Variants in IL4R observed in about 807,000 individuals in gnomAD.
IL4R encodes the protein interleukin 4 receptor.
IL4R carries 17 observed loss-of-function variants against 41.5 expected under a neutral mutation model. The ratio of observed to expected loss-of-function variants is 0.41; its 90% CI spans 0.28 to 0.61. IL4R has a LOEUF of 0.61. Among genes scored for constraint, IL4R ranks in the 20% least tolerant of loss-of-function variants. IL4R has a pLI of 0.31. For synonymous variants in IL4R, 402 were observed against 422.9 expected (o/e 0.95, Z 0.61); for missense variants, 974 against 1,043.1 (o/e 0.93, Z 0.91).
chr16:27,360,824 C>T lies in IL4R; in HGVS notation c.899+9C>T. The T allele has an allele frequency of 6.2e-7, 1 of 1,614,162 alleles. No homozygotes were observed. Among genetic ancestry groups the T allele is most frequent in the South Asian group, 1.1e-5 (1 of 91,076 alleles). ...GAACCAGCCAAGTGCCCGTATGTAT[C>T]TGAACTTAGGTCACAGCCTGCATGC... On this transcript the variant is annotated intron_variant, in intron 10 of 10. Transcript: ENST00000395762.
At position 27,362,785 on chromosome 16, in the gene IL4R, G is replaced by A. The variant is rs1411182019; in HGVS notation, c.1433G>A (p.Ser478Asn). The change falls in exon 11 of 11, where the codon AGT (serine) becomes AAT (asparagine). Residue 478 changes from serine (S) to asparagine (N), a missense_variant. Ser to Asn is a conservative substitution (Grantham distance 46). Around this residue, in one of 3 missense-constraint regions of IL4R, gnomAD observed 682 missense variants for 704.3 expected, o/e 0.97. Transcript: ENST00000395762. ...EPSPPASPTQ[S>N]PDNLTCTETP... ...AGTCCTCCTGCCAGCCCGACCCAGA[G>A]TCCAGACAACCTGACTTGCACAGAG... The A allele has an allele frequency of 1.2e-6, 2 of 1,614,172 alleles. No homozygotes were observed. Among genetic ancestry groups the A allele is most frequent in the African/African-American group, 1.3e-5 (1 of 75,064 alleles).
intron 10 of IL4R, among the ~76,000 whole-genome samples, chr16:27,361,367 A>C (rs2086277888): frequency 6.6e-6 from 1 of 151,998 alleles, no homozygotes; most frequent in Admixed American, 6.6e-5. Flanking sequence ...GAATCACTTG[A>C]ACCCGGGAGG....
At chr16:27,326,865 G>A (rs1290599104) in intron 1 of IL4R, among the ~76,000 whole-genome samples, 1 of 152,098 alleles carries the variant, frequency 6.6e-6, no homozygotes, top group Non-Finnish European at 1.5e-5. Flanking sequence ...CAGATCCCGG[G>A]CCATTCTGGG....
intron 2 of IL4R, among the ~76,000 whole-genome samples, chr16:27,338,350 T>C (rs536316858): frequency 2.6e-5 from 4 of 151,874 alleles, no homozygotes; most frequent in African/African-American, 7.2e-5. Context: ...CCCAAGTAGC[T>C]AGGATTACAG....
In IL4R at chr16:27,362,786, T is replaced by C. The variant is rs1161436753; in HGVS notation, c.1434T>C (p.Ser478=). ...GTCCTCCTGCCAGCCCGACCCAGAG[T>C]CCAGACAACCTGACTTGCACAGAGA... ...EPSPPASPTQ[S]PDNLTCTETP... is the part of the protein sequence containing the mutation. The change falls in exon 11 of 11, where the codon AGT becomes AGC. Residue 478 remains serine, a synonymous_variant. Transcript: ENST00000395762. 3.1e-6 allele frequency: 5 copies of C among 1,613,642 alleles called. No homozygotes were observed. Among genetic ancestry groups the C allele is most frequent in the Non-Finnish European group, 3.4e-6 (4 of 1,179,940 alleles).
chr16:27,343,721 C>A (rs369386219), intron 4 of IL4R, among the ~76,000 whole-genome samples: 2 of 152,188 alleles, frequency 1.3e-5, no homozygotes, highest in Non-Finnish European at 2.9e-5. Flanking sequence ...AGCCACTGAG[C>A]CCGGCCTCCT....
At chr16:27,323,896 T>A (rs545521545) in intron 1 of IL4R, among the ~76,000 whole-genome samples, 1 of 152,244 alleles carries the variant, frequency 6.6e-6, no homozygotes, top group Non-Finnish European at 1.5e-5. Context: ...TGGACTCAAG[T>A]GATCTACCTG....
At chr16:27,348,448 G>T (rs1025759786) in intron 6 of IL4R, among the ~76,000 whole-genome samples, 2 of 152,166 alleles carry the variant, frequency 1.3e-5, no homozygotes, top group Non-Finnish European at 2.9e-5. Flanking sequence ...TTCTAGATCT[G>T]CCTTCAGGCA....
At chr16:27,331,038 A>T (rs1395501062) in intron 2 of IL4R, among the ~76,000 whole-genome samples, 3 of 150,596 alleles carry the variant, frequency 2.0e-5, no homozygotes, top group Non-Finnish European at 4.5e-5. Context: ...AGCAACTGCT[A>T]ACTGCCCACA....
Position 27,345,190 on chromosome 16 carries a change from C to T in IL4R, c.361+170C>T. 1.3e-6 allele frequency: 1 copy of T among 782,250 alleles called. No homozygotes were observed. The highest frequency in any genetic ancestry group is 2.2e-6 in the Non-Finnish European group (1 of 459,536). The allele number at this position is 782,250 out of a possible 1,614,324, so 48.5% of individuals were successfully genotyped here. On this transcript the variant is annotated intron_variant, in intron 5 of 10. Transcript: ENST00000395762. The surrounding 1 kb of genome is among the most constrained non-coding windows in gnomAD (Gnocchi z 4.5). ...TGCCCCTGCCTGGGCCTCAGTCCTCCCACCTTTGAAACGGAGCTGGTCGCA... is the reference window on the plus strand; with the variant it reads ...TGCCCCTGCCTGGGCCTCAGTCCTCTCACCTTTGAAACGGAGCTGGTCGCA...
chr16:27,338,910 A>G (rs919626287), intron 2 of IL4R, among the ~76,000 whole-genome samples: 1 of 152,032 alleles, frequency 6.6e-6, no homozygotes, highest in African/African-American at 2.4e-5. Context: ...CTGGAGTACA[A>G]TGACGCGATC....
chr16:27,349,846 A>C (rs2283561), intron 6 of IL4R, among the ~76,000 whole-genome samples: 61,019 of 151,922 alleles, frequency 0.4, 12,658 homozygotes, highest in South Asian at 0.51. Flanking sequence ...ACTTCCTGGG[A>C]TCAGGTGATT....
chr16:27,358,895 C>T, intron 8 of IL4R, 21 bp from the exon 9 acceptor site: 1 of 1,596,686 alleles, frequency 6.3e-7, no homozygotes, highest in Non-Finnish European at 8.6e-7. Flanking sequence ...GAGATCAACA[C>T]CTTTTCCTTT....
chr16:27,337,792 C>T (rs1366421496), intron 2 of IL4R, among the ~76,000 whole-genome samples: 1 of 151,378 alleles, frequency 6.6e-6, no homozygotes, highest in Non-Finnish European at 1.5e-5. Context: ...CCATGTTGGC[C>T]AGGCTGGTTG....
intron 6 of IL4R, among the ~76,000 whole-genome samples, chr16:27,350,909 A>G (rs779927713): frequency 6.6e-6 from 1 of 152,208 alleles, no homozygotes; most frequent in African/African-American, 2.4e-5. Flanking sequence ...GCTTATGTCT[A>G]TACAAGCAAA....
At chr16:27,327,343 G>C (rs555353256) in intron 1 of IL4R, among the ~76,000 whole-genome samples, 1 of 152,076 alleles carries the variant, frequency 6.6e-6, no homozygotes, top group Admixed American at 6.6e-5. Context: ...CTGTGGGTTC[G>C]GGAAGAGTCC....
chr16:27,357,888 T>G (rs1271192304), intron 8 of IL4R, among the ~76,000 whole-genome samples: 1 of 151,668 alleles, frequency 6.6e-6, no homozygotes. Context: ...TAAGCATTTC[T>G]TTCGTTTTTT....
chr16:27,363,231 G>C lies in IL4R; in HGVS notation c.1879G>C (p.Gly627Arg), dbSNP rs757169290. The C allele has an allele frequency of 6.2e-7, 1 of 1,606,486 alleles. No homozygotes were observed. The highest frequency in any genetic ancestry group is 8.5e-7 in the Non-Finnish European group (1 of 1,175,890). Residue 627 changes from glycine (G) to arginine (R), a missense_variant, in exon 11 of 11, where the codon GGG becomes CGG. Gly to Arg is a moderately radical substitution (Grantham distance 125, BLOSUM62 -2). Coordinates refer to ENST00000395762, the MANE Select transcript of IL4R (RefSeq NM_000418.4). ...PEKCGFGASSGEEGYKPFQDL... is the reference protein window; with the variant it reads ...PEKCGFGASSREEGYKPFQDL... ...GAAATGTGGGTTTGGGGCTAGCAGT[G>C]GGGAAGAGGGGTATAAGCCTTTCCA...
At chr16:27,351,360 C>T (rs976300346) in intron 6 of IL4R, among the ~76,000 whole-genome samples, 2 of 152,102 alleles carry the variant, frequency 1.3e-5, no homozygotes, top group African/African-American at 4.8e-5. Context: ...TATCCCATCA[C>T]CTTTACCATA....
Sources: gnomAD v4.1 joint callset for allele counts (sites outside exome capture counted in the v4.1 genomes callset) on GRCh38, gnomAD v4.1.1 for gene constraint, gnomAD v4.1.1 regional missense constraint, Gnocchi (gnomAD v3.1) non-coding constraint, MANE v1.5 for transcripts, NCBI Gene and HGNC (gene_info 2026-07-23, HGNC 2026-07-21) for gene names.